ADAMTS3: variants seen among roughly 807,000 people sequenced by gnomAD.
ADAMTS3 encodes the protein ADAM metallopeptidase with thrombospondin type 1 motif 3.
Under a neutral mutation model 129.0 loss-of-function variants are expected in ADAMTS3, and 73 were observed. That is an observed-to-expected ratio of 0.57 (90% CI 0.47 to 0.69). ADAMTS3 has a LOEUF of 0.69. Among genes scored for constraint, ADAMTS3 ranks in the 30% least tolerant of loss-of-function variants. ADAMTS3 has a pLI of 0.00. For synonymous variants in ADAMTS3, 477 were observed against 510.8 expected, an observed-to-expected ratio of 0.93 and a Z score of 0.89; for missense variants, 1,457 against 1,514.5, an observed-to-expected ratio of 0.96 and a Z score of 0.63.
intron 5 of ADAMTS3, among the ~76,000 whole-genome samples, chr4:72,325,840 CA>C (rs1719685180): frequency 6.6e-6 from 1 of 151,988 alleles, no homozygotes; most frequent in African/African-American, 2.4e-5. Flanking sequence ...GGAATAATGA[CA>C]AATAGCTTGT....
In ADAMTS3 at chr4:72,388,220, G is replaced by C. The variant is rs116136872; in HGVS notation, c.661+26595C>G. On this transcript the variant is annotated intron_variant, in intron 4 of 21. Coordinates refer to ENST00000286657, the MANE Select transcript of ADAMTS3 (RefSeq NM_014243.3). ...CACTGATTATGCCAGGCAAAAGGCT[G>C]GTGCTCCCAAACCTCAGGTCCTCAT... Among the ~76,000 whole-genome samples, 177 of 152,310 alleles carry C rather than the reference G, an allele frequency of 1.2e-3. 1 individual carries two copies. Among genetic ancestry groups the C allele is most frequent in the African/African-American group, 4.2e-3 (173 of 41,570 alleles).
At chr4:72,459,837 G>A (rs1718715563) in intron 3 of ADAMTS3, among the ~76,000 whole-genome samples, 1 of 151,294 alleles carries the variant, frequency 6.6e-6, no homozygotes, top group African/African-American at 2.4e-5. Flanking sequence ...CTTGGGAATG[G>A]GACCCAAATC....
At chr4:72,518,938 G>T (rs537065939) in intron 3 of ADAMTS3, among the ~76,000 whole-genome samples, 2 of 152,158 alleles carry the variant, frequency 1.3e-5, no homozygotes, top group African/African-American at 4.8e-5. Context: ...AGTCTCAATG[G>T]TCTTTACATT....
At chr4:72,568,662 G>GT in intron 1 of ADAMTS3, 32 bp downstream of exon 1, 1 of 1,562,058 alleles carries the variant, frequency 6.4e-7, no homozygotes, top group Non-Finnish European at 8.8e-7. Context: ...TTGGGTTTGA[G>GT]TTTTTTTTTA....
Position 72,299,053 on chromosome 4 carries a change from C to CTGTGTGTG in ADAMTS3, c.2425-619_2425-612dup, listed in dbSNP as rs60439058. ...GATAGTCCCTCAAGATATTTGCATTCTGTGTGTGTGTGTGTGTGTGTGTGT... is the reference window on the plus strand; with the variant it reads ...GATAGTCCCTCAAGATATTTGCATTCTGTGTGTGTGTGTGTGTGTGTGTGTGTGTGTGT... On this transcript the variant is annotated intron_variant, in intron 17 of 21. Transcript: ENST00000286657. Among the ~76,000 whole-genome samples, 567 of 138,122 alleles carry CTGTGTGTG rather than the reference C, an allele frequency of 4.1e-3. 6 individuals are homozygous for CTGTGTGTG. Among genetic ancestry groups the CTGTGTGTG allele is most frequent in the African/African-American group, 0.012 (456 of 37,474 alleles). 90.6% of individuals were successfully genotyped at this position (138,122 alleles called of 152,430 possible). A position where few individuals can be genotyped will look rare whatever the true frequency, so the allele number is the denominator to read the frequency against.
At chr4:72,446,826 T>C (rs1174606064) in intron 3 of ADAMTS3, among the ~76,000 whole-genome samples, 2 of 151,666 alleles carry the variant, frequency 1.3e-5, no homozygotes, top group African/African-American at 2.4e-5. Flanking sequence ...CTAAGATTTT[T>C]TTCTATCCCT....
At chr4:72,285,454 G>A (rs1039560777) in intron 21 of ADAMTS3, among the ~76,000 whole-genome samples, 3 of 152,040 alleles carry the variant, frequency 2.0e-5, no homozygotes, top group Non-Finnish European at 2.9e-5. Flanking sequence ...GTCTCAAGAG[G>A]AGAGGACATT....
intron 5 of ADAMTS3, 52 bp downstream of exon 5, chr4:72,339,442 A>T (rs1410706419): frequency 5.1e-6 from 8 of 1,577,154 alleles, no homozygotes; most frequent in African/African-American, 1.4e-5. Context: ...ACCAACAAAT[A>T]AGAGAAGTGA....
At chr4:72,395,215 C>T (rs1322052846) in intron 4 of ADAMTS3, among the ~76,000 whole-genome samples, 1 of 152,100 alleles carries the variant, frequency 6.6e-6, no homozygotes, top group East Asian at 1.9e-4. Flanking sequence ...GGGAGCCCAG[C>T]TGCACATATG....
chr4:72,366,454 G>C (rs1270448478), intron 4 of ADAMTS3, among the ~76,000 whole-genome samples: 4 of 152,144 alleles, frequency 2.6e-5, no homozygotes, highest in Admixed American at 6.6e-5. Context: ...TAGAATAAAA[G>C]AGCATATCCA....
intron 3 of ADAMTS3, among the ~76,000 whole-genome samples, chr4:72,521,639 G>A (rs551527010): frequency 3.9e-5 from 6 of 152,026 alleles, no homozygotes; most frequent in African/African-American, 1.4e-4. Context: ...AAACATCCTC[G>A]AAAGTGACTA....
intron 3 of ADAMTS3, among the ~76,000 whole-genome samples, chr4:72,471,901 G>A (rs758582784): frequency 4.0e-5 from 6 of 151,844 alleles, no homozygotes; most frequent in Non-Finnish European, 8.8e-5. Context: ...AAGACTATAA[G>A]GGCCCTAAAG....
At chr4:72,495,889 C>T (rs190546991) in intron 3 of ADAMTS3, among the ~76,000 whole-genome samples, 5 of 152,276 alleles carry the variant, frequency 3.3e-5, no homozygotes, top group African/African-American at 1.2e-4. Flanking sequence ...AATTAACACA[C>T]TATTTGCTAA....
chr4:72,333,589 C>T (rs751609224), intron 5 of ADAMTS3, among the ~76,000 whole-genome samples: 3 of 151,988 alleles, frequency 2.0e-5, no homozygotes, highest in Admixed American at 6.6e-5. Context: ...AAGCAGGAAC[C>T]GACCCTCAGT....
chr4:72,509,468 A>G (rs1425016083), intron 3 of ADAMTS3, among the ~76,000 whole-genome samples: 1 of 150,346 alleles, frequency 6.7e-6, no homozygotes, highest in East Asian at 1.9e-4. Context: ...TCAAAGGATC[A>G]TTAATGGCTG....
intron 4 of ADAMTS3, among the ~76,000 whole-genome samples, chr4:72,361,454 T>G (rs1720725250): frequency 6.6e-6 from 1 of 152,110 alleles, no homozygotes; most frequent in African/African-American, 2.4e-5. Context: ...GAAAGACAGG[T>G]GTTTATTAGT....
chr4:72,401,584 A>G (rs1475324190), intron 4 of ADAMTS3, among the ~76,000 whole-genome samples: 5 of 141,828 alleles, frequency 3.5e-5, no homozygotes, highest in African/African-American at 5.0e-5. Context: ...AAAAAAAAAA[A>G]AAAAGAAAAG....
At chr4:72,292,944 A>G (rs1718713369) in intron 19 of ADAMTS3, among the ~76,000 whole-genome samples, 1 of 152,184 alleles carries the variant, frequency 6.6e-6, no homozygotes, top group Non-Finnish European at 1.5e-5. Context: ...GACAAATATT[A>G]TACTTCACAG....
chr4:72,334,812 A>T (rs1479517525), intron 5 of ADAMTS3, among the ~76,000 whole-genome samples: 1 of 152,184 alleles, frequency 6.6e-6, no homozygotes, highest in Non-Finnish European at 1.5e-5. Flanking sequence ...ATATATGACA[A>T]ATCTCTTATT....
Sources: gnomAD v4.1 joint callset for allele counts (sites outside exome capture counted in the v4.1 genomes callset) on GRCh38, gnomAD v4.1.1 for gene constraint, MANE v1.5 for transcripts, NCBI Gene and HGNC (gene_info 2026-07-23, HGNC 2026-07-21) for gene names.